The following MAN2A1 variants were observed in gnomAD, a reference collection of about 807,000 sequenced individuals.
MAN2A1 encodes the protein mannosidase alpha class 2A member 1.
In MAN2A1, 76 loss-of-function variants were observed where a neutral mutation model predicts 142.6. The observed-to-expected ratio is 0.53, with a 90% CI of 0.44 to 0.65. The LOEUF (loss-of-function observed/expected upper bound fraction) is 0.65, where lower values mean the gene tolerates loss of function less well. Among genes scored for constraint, MAN2A1 ranks in the 30% least tolerant of loss-of-function variants. The pLI is 0.00. For synonymous variants in MAN2A1, 559 were observed against 473.2 expected (o/e 1.18, Z -2.35); for missense variants, 1,311 against 1,365.1 (o/e 0.96, Z 0.62).
rs1751366564 is a variant in MAN2A1 at position 109,713,629 on chromosome 5, CTG to C, written c.248_249del (p.Val83GlyfsTer29). ...GACTCAGTCATCAATTTGAGTGAGT[CTG>C]TGGAGGATGGTCCGAAAAGTTCACA... On this transcript the variant is annotated frameshift_variant, in exon 2 of 22. Coordinates refer to ENST00000261483, the MANE Select transcript of MAN2A1 (RefSeq NM_002372.4). LOFTEE classifies it high-confidence loss of function. The C allele has an allele frequency of 6.2e-7, 1 of 1,614,180 alleles. No individual in the cohort carries two copies. The highest frequency in any genetic ancestry group is 8.5e-7 in the Non-Finnish European group (1 of 1,180,004).
At chr5:109,750,181 T>G (rs928354994) in intron 4 of MAN2A1, among the ~76,000 whole-genome samples, 4 of 152,022 alleles carry the variant, frequency 2.6e-5, no homozygotes, top group African/African-American at 9.7e-5. Context: ...TGGGGACTAT[T>G]TCTTGTTTTT....
At chr5:109,732,862 A>G (rs1288518804) in intron 4 of MAN2A1, among the ~76,000 whole-genome samples, 4 of 152,040 alleles carry the variant, frequency 2.6e-5, no homozygotes, top group Non-Finnish European at 5.9e-5. Context: ...TTTTGGTTCC[A>G]TATGAACTTT....
chr5:109,707,609 G>A (rs944408466), intron 1 of MAN2A1, among the ~76,000 whole-genome samples: 2 of 152,164 alleles, frequency 1.3e-5, no homozygotes, highest in Non-Finnish European at 2.9e-5. Context: ...AACATGAGGA[G>A]GCCTGTTTTA....
At chr5:109,700,956 G>C (rs764707775) in intron 1 of MAN2A1, among the ~76,000 whole-genome samples, 1 of 152,230 alleles carries the variant, frequency 6.6e-6, no homozygotes, top group East Asian at 1.9e-4. Flanking sequence ...TGCCGTTTGT[G>C]AAACTATTAG....
intron 12 of MAN2A1, among the ~76,000 whole-genome samples, chr5:109,803,803 T>C (rs1477875354): frequency 6.6e-6 from 1 of 152,128 alleles, no homozygotes; most frequent in African/African-American, 2.4e-5. Context: ...GATTCTGTTT[T>C]GCTATTGCTG....
At chr5:109,699,496 A>C (rs1462918796) in intron 1 of MAN2A1, 1 of 152,228 alleles carries the variant, frequency 6.6e-6, no homozygotes, top group Non-Finnish European at 1.5e-5. Context: ...AAGAATAAAT[A>C]AGTGATGTAA....
In MAN2A1 at chr5:109,770,463, A is replaced by G. The variant is rs1171065181; in HGVS notation, c.1118A>G (p.Lys373Arg). Residue 373 changes from lysine (K) to arginine (R), a missense_variant, in exon 7 of 22, where the codon AAA becomes AGA. Around this residue, in one of 3 missense-constraint regions of MAN2A1, gnomAD observed 890 missense variants for 920.5 expected, o/e 0.97. Coordinates refer to ENST00000261483, the MANE Select transcript of MAN2A1 (RefSeq NM_002372.4). ...DPKICCQFDF[K>R]RLPGGRFGCP... The stretch of plus-strand genomic sequence containing the variant: ...AAAATATGCTGCCAGTTTGATTTTA[A>G]ACGTCTTCCTGGAGGCAGATTTGGT... 2.5e-6 allele frequency: 4 copies of G among 1,614,008 alleles called. No individual in the cohort carries two copies. The Admixed American group carries it at 5.0e-5, about 20-fold the overall frequency.
intron 4 of MAN2A1, among the ~76,000 whole-genome samples, chr5:109,740,928 T>A (rs761525404): frequency 1.3e-5 from 2 of 152,192 alleles, no homozygotes; most frequent in Non-Finnish European, 2.9e-5. Flanking sequence ...CTGTTGGTTA[T>A]TTTTCTTAGG....
intron 12 of MAN2A1, among the ~76,000 whole-genome samples, chr5:109,803,095 T>A (rs1015815863): frequency 6.6e-6 from 1 of 152,050 alleles, no homozygotes; most frequent in African/African-American, 2.4e-5. Context: ...TTTAAATCAT[T>A]CTTTTCTTCA....
At chr5:109,703,723 T>C (rs1479970600) in intron 1 of MAN2A1, among the ~76,000 whole-genome samples, 3 of 152,242 alleles carry the variant, frequency 2.0e-5, no homozygotes, top group Non-Finnish European at 4.4e-5. Context: ...AGTTATTAAA[T>C]GGATTTGTAA....
chr5:109,735,219 T>G (rs1396777124), intron 4 of MAN2A1, among the ~76,000 whole-genome samples: 4 of 152,086 alleles, frequency 2.6e-5, no homozygotes, highest in East Asian at 1.9e-4. Context: ...GTTTTCCATT[T>G]GCTTGGTAGA....
intron 2 of MAN2A1, among the ~76,000 whole-genome samples, chr5:109,715,526 C>G (rs910691783): frequency 3.3e-5 from 5 of 152,040 alleles, no homozygotes; most frequent in African/African-American, 1.2e-4. Context: ...TACATAAAAG[C>G]TAAATCTCAA....
chr5:109,774,769 G>A lies in MAN2A1; in HGVS notation c.1197-19G>A. ...TCAAATTCATATTTGCTGTTTTTTT[G>A]TGTTTGTTTTTTTTGTAGGGCTCGG... On this transcript the variant is annotated intron_variant, in intron 7 of 21. Coordinates refer to ENST00000261483, the MANE Select transcript of MAN2A1 (RefSeq NM_002372.4). 1 of 1,576,968 alleles carries A rather than the reference G, an allele frequency of 6.3e-7. No homozygotes were observed. Among genetic ancestry groups the A allele is most frequent in the Non-Finnish European group, 8.6e-7 (1 of 1,166,700 alleles).
intron 19 of MAN2A1, among the ~76,000 whole-genome samples, chr5:109,850,951 A>T (rs1273214563): frequency 1.3e-5 from 2 of 152,356 alleles, no homozygotes; most frequent in Middle Eastern, 3.4e-3. Flanking sequence ...CACTTAATTG[A>T]TGAAAGTTAA....
chr5:109,695,558 A>T (rs1750788912), intron 1 of MAN2A1, among the ~76,000 whole-genome samples: 1 of 152,110 alleles, frequency 6.6e-6, no homozygotes, highest in Non-Finnish European at 1.5e-5. Flanking sequence ...TGCATTCAGG[A>T]GTCTTAGTTT....
rs1302334304 is a variant in MAN2A1, at chr5:109,791,094, G to A, written c.1943+1567G>A. ...ATAAATGGAATTTCGGGGGCTATTA[G>A]TAAAATGATTGCTTTTTGATATTTC... On this transcript the variant is annotated intron_variant, in intron 12 of 21. Coordinates refer to ENST00000261483, the MANE Select transcript of MAN2A1 (RefSeq NM_002372.4). Among the ~76,000 whole-genome samples, 7 of 152,030 alleles carry A rather than the reference G, an allele frequency of 4.6e-5. No homozygotes were observed. The East Asian group carries it at 9.6e-4, about 21-fold the overall frequency.
At chr5:109,806,816 G>GT (rs945679432) in intron 12 of MAN2A1, among the ~76,000 whole-genome samples, 5 of 152,286 alleles carry the variant, frequency 3.3e-5, no homozygotes, top group Non-Finnish European at 5.9e-5. Context: ...CAGCATGCTT[G>GT]TTTACCTTCC....
chr5:109,843,879 C>T (rs1264653094), intron 17 of MAN2A1, among the ~76,000 whole-genome samples: 2 of 152,118 alleles, frequency 1.3e-5, no homozygotes, highest in African/African-American at 4.8e-5. Flanking sequence ...TTAGAAATTT[C>T]TGGCTGTGAA....
intron 1 of MAN2A1, among the ~76,000 whole-genome samples, chr5:109,703,793 C>G (rs897912018): frequency 1.3e-5 from 2 of 152,192 alleles, no homozygotes; most frequent in African/African-American, 4.8e-5. Context: ...TAGTTATACA[C>G]CCTTCTTCCA....
Sources: allele counts gnomAD v4.1 joint callset (sites outside exome capture counted in the v4.1 genomes callset), GRCh38; gene constraint gnomAD v4.1.1; regional missense constraint gnomAD v4.1.1; transcripts MANE v1.5; gene names NCBI Gene and HGNC (gene_info 2026-07-23, HGNC 2026-07-21).